The following PLXNA1 variants were observed in gnomAD, a reference collection of about 807,000 sequenced individuals.
PLXNA1 encodes the protein plexin A1, also known as plexin-A1.
A neutral mutation model predicts 191.7 loss-of-function variants in PLXNA1; 77 were observed. That is an observed-to-expected ratio of 0.40 (90% CI 0.33 to 0.49). The LOEUF (loss-of-function observed/expected upper bound fraction) is 0.49, where lower values mean the gene tolerates loss of function less well. Ranked by LOEUF, PLXNA1 falls within the 20% of genes least tolerant of loss-of-function variation. PLXNA1 has a pLI of 0.63. For synonymous variants in PLXNA1, 1,137 were observed against 1,156.4 expected (o/e 0.98, Z 0.34); for missense variants, 2,110 against 2,660.2 (o/e 0.79, Z 4.55).
intron 14 of PLXNA1, 75 bp from the exon 15 acceptor site, chr3:127,015,109 G>A (rs1388629071): frequency 1.3e-6 from 2 of 1,545,768 alleles, no homozygotes; most frequent in Non-Finnish European, 1.7e-6. Context: ...GGGTAAGCAG[G>A]CCAAGTGGGG....
rs370368667 is a variant in PLXNA1, at chr3:127,012,188, C to T, written c.2313+30C>T. On this transcript the variant is annotated intron_variant, in intron 10 of 31. Transcript: ENST00000393409. Reference sequence around the variant, plus strand: ...GGTGGCCAGGGCAGGGGCTGGGGGCCGTGAGCCGGAATGGGCCGGTTATCC... The same window carrying T: ...GGTGGCCAGGGCAGGGGCTGGGGGCTGTGAGCCGGAATGGGCCGGTTATCC... The T allele has an allele frequency of 5.5e-4, 886 of 1,598,914 alleles. 2 individuals are homozygous for T. The highest frequency in any genetic ancestry group is 1.2e-3 in the South Asian group (107 of 90,204).
chr3:127,008,025 C>T, intron 9 of PLXNA1, 112 bp downstream of exon 9: 7 of 675,568 alleles, frequency 1.0e-5, no homozygotes, highest in South Asian at 2.0e-5. Context: ...CTGTGGATGT[C>T]TGGGATGTCA....
intron 3 of PLXNA1, among the ~76,000 whole-genome samples, chr3:127,002,340 CA>C (rs1320978391): frequency 6.6e-6 from 1 of 152,218 alleles, no homozygotes; most frequent in East Asian, 1.9e-4. Context: ...CCCCCTCTCC[CA>C]GCCGACAGCC....
chr3:127,034,149 C>T lies in PLXNA1; in HGVS notation c.*132C>T. 1 of 760,524 alleles carries T rather than the reference C, an allele frequency of 1.3e-6. No individual in the cohort carries two copies. The highest frequency in any genetic ancestry group is 1.9e-5 in the South Asian group (1 of 51,384). The allele number at this position is 760,524 out of a possible 1,614,324, so 47.1% of individuals were successfully genotyped here. On this transcript the variant is annotated 3_prime_UTR_variant, in exon 32 of 32. Transcript: ENST00000393409. ...CGCAGTGCAGCGACTGCCCGGCCCTCCCTCCCCTGCCTCACCCGGTCGGGT... is the reference window on the plus strand; with the variant it reads ...CGCAGTGCAGCGACTGCCCGGCCCTTCCTCCCCTGCCTCACCCGGTCGGGT...
intron 21 of PLXNA1, 86 bp from the exon 22 acceptor site, chr3:127,021,999 G>T: frequency 6.5e-7 from 1 of 1,533,642 alleles, no homozygotes; most frequent in Non-Finnish European, 8.8e-7. Flanking sequence ...TGCCTCACCA[G>T]CCAGGCCTGG....
chr3:126,991,361 T>C (rs2078989176), intron 2 of PLXNA1, 23 bp from the exon 3 acceptor site: 1 of 1,610,678 alleles, frequency 6.2e-7, no homozygotes, highest in Non-Finnish European at 8.5e-7. Flanking sequence ...GGGGAGTGGC[T>C]CTCACCCTGC....
Position 127,014,637 on chromosome 3 carries a change from C to A in PLXNA1, c.2756+8C>A. 1 of 1,612,740 alleles carries A rather than the reference C, an allele frequency of 6.2e-7. No homozygotes were observed. Among genetic ancestry groups the A allele is most frequent in the Non-Finnish European group, 8.5e-7 (1 of 1,179,676 alleles). On this transcript the variant is annotated splice_region_variant and intron_variant, in intron 13 of 31. Transcript: ENST00000393409. ...GTACATCAGTGCGGAGCAGTGAGTG[C>A]AGCCCTGGGTGTGTGCGGGGCGGGA...
chr3:127,014,953 C>A, intron 14 of PLXNA1, 122 bp downstream of exon 14: 1 of 1,458,130 alleles, frequency 6.9e-7, no homozygotes. Flanking sequence ...TTTCCACGGC[C>A]TGGGTGCTGC....
In PLXNA1 at chr3:126,988,730, C is replaced by G; in HGVS notation, c.137C>G (p.Ala46Gly). 6.3e-7 allele frequency: 1 copy of G among 1,582,412 alleles called. No individual in the cohort carries two copies. The highest frequency in any genetic ancestry group is 2.2e-5 in the East Asian group (1 of 44,512). ...GSQPPFRTFS[A>G]SDWGLTHLVV... Reference sequence around the variant, plus strand: ...CAGCCCCCCTTCCGCACCTTCTCGGCCAGCGACTGGGGCCTCACCCACCTA... The same window carrying G: ...CAGCCCCCCTTCCGCACCTTCTCGGGCAGCGACTGGGGCCTCACCCACCTA... Residue 46 changes from alanine to glycine, a missense_variant, in exon 2 of 32, where the codon GCC becomes GGC. Physicochemically the swap from Ala to Gly is moderately conservative, Grantham distance 60. Around this residue, in one of 4 missense-constraint regions of PLXNA1, gnomAD observed 903 missense variants for 1,015.7 expected, o/e 0.89. Transcript: ENST00000393409.
chr3:126,990,269 C>T (rs542898298), intron 2 of PLXNA1, among the ~76,000 whole-genome samples: 4 of 152,240 alleles, frequency 2.6e-5, no homozygotes, highest in African/African-American at 4.8e-5. Context: ...GCTTGTGTCC[C>T]CCACATGACC....
At chr3:127,018,165 A>G in intron 19 of PLXNA1, 129 bp from the exon 20 acceptor site, 1 of 942,048 alleles carries the variant, frequency 1.1e-6, no homozygotes, top group East Asian at 2.6e-5. Flanking sequence ...CCTGGTGACC[A>G]CTCTGTGCCC....
chr3:127,003,490 G>A lies in PLXNA1; in HGVS notation c.1518+20G>A. 1 of 1,576,288 alleles carries A rather than the reference G, an allele frequency of 6.3e-7. No individual in the cohort carries two copies. The highest frequency in any genetic ancestry group is 8.7e-7 in the Non-Finnish European group (1 of 1,153,524). ...AAGCAGGTGGGTGCTGCACCAGTCAGACGGTGTGGCTGAAGGTGGGGGCCC... is the reference window on the plus strand; with the variant it reads ...AAGCAGGTGGGTGCTGCACCAGTCAAACGGTGTGGCTGAAGGTGGGGGCCC... On this transcript the variant is annotated intron_variant, in intron 4 of 31. Transcript: ENST00000393409.
chr3:127,029,167 G>A (rs2079193094), intron 26 of PLXNA1, 71 bp downstream of exon 26: 1 of 1,240,064 alleles, frequency 8.1e-7, no homozygotes, highest in South Asian at 1.3e-5. Context: ...AGCCACCAAT[G>A]TTTGCAGCAT....
At chr3:127,013,985 T>G in intron 10 of PLXNA1, 35 bp from the exon 11 acceptor site, 1 of 1,597,660 alleles carries the variant, frequency 6.3e-7, no homozygotes, top group Non-Finnish European at 8.6e-7. Context: ...GGAGGCCGCT[T>G]AGCTGGGAAG....
intron 26 of PLXNA1, 70 bp from the exon 27 acceptor site, chr3:127,029,370 C>CG: frequency 6.9e-7 from 1 of 1,454,842 alleles, no homozygotes. Context: ...GGTCCCCAGC[C>CG]GGGGAGTGGG....
At chr3:126,995,784 T>C (rs2079012337) in intron 3 of PLXNA1, among the ~76,000 whole-genome samples, 1 of 152,218 alleles carries the variant, frequency 6.6e-6, no homozygotes. Flanking sequence ...CCACCTGGGC[T>C]CTGAGGCATG....
intron 9 of PLXNA1, among the ~76,000 whole-genome samples, chr3:127,010,560 T>C (rs1428343469): frequency 6.6e-6 from 1 of 151,648 alleles, no homozygotes. Context: ...AGGGCAGGGG[T>C]GGCGAGGGGA....
chr3:126,987,499 A>G (rs993777585), intron 1 of PLXNA1, among the ~76,000 whole-genome samples: 1 of 151,984 alleles, frequency 6.6e-6, no homozygotes, highest in African/African-American at 2.4e-5. Context: ...GGTGGAGTCA[A>G]TGGACCTTGG....
At chr3:127,016,083 T>G (rs2079121952) in intron 15 of PLXNA1, among the ~76,000 whole-genome samples, 1 of 152,052 alleles carries the variant, frequency 6.6e-6, no homozygotes, top group African/African-American at 2.4e-5. Context: ...CAGGGCTTAG[T>G]CTCGCCAGCC....
Sources: gnomAD v4.1 joint callset for allele counts (sites outside exome capture counted in the v4.1 genomes callset) on GRCh38, gnomAD v4.1.1 for gene constraint, gnomAD v4.1.1 regional missense constraint, MANE v1.5 for transcripts, NCBI Gene and HGNC (gene_info 2026-07-23, HGNC 2026-07-21) for gene names.